Variants in AMZ1 observed in about 807,000 individuals in gnomAD.
AMZ1 encodes archaemetzincin-1.
Under a neutral mutation model 29.9 loss-of-function variants are expected in AMZ1, and 39 were observed. The ratio of observed to expected loss-of-function variants is 1.30; its 90% CI spans 1.01 to 1.70. AMZ1 has a LOEUF of 1.70. AMZ1 is among the 40% of genes most tolerant of loss of function. AMZ1 has a pLI of 0.00. For missense variants in AMZ1, 1,041 were observed against 680.6 expected (o/e 1.53, Z -5.89); for synonymous variants, 458 against 304.0 (o/e 1.51, Z -5.27).
chr7:2,762,462 C>A, upstream of AMZ1: 1 of 596,590 alleles, frequency 1.7e-6, no homozygotes, highest in Non-Finnish European at 2.8e-6. Flanking sequence ...CAAAGTCCAG[C>A]CTCTGAACCC....
At chr7:2,754,696 C>T (rs1039027074) in intron 4 of AMZ1, among the ~76,000 whole-genome samples, 1 of 152,148 alleles carries the variant, frequency 6.6e-6, no homozygotes, top group Non-Finnish European at 1.5e-5. Flanking sequence ...CTGCAGTGAG[C>T]TATGATCACA....
At chr7:2,737,426 C>T (rs1449061171) in intron 4 of AMZ1, among the ~76,000 whole-genome samples, 2 of 151,750 alleles carry the variant, frequency 1.3e-5, no homozygotes, top group Non-Finnish European at 2.9e-5. Context: ...GTAGTTGGGA[C>T]TACAGGCGTG....
intron 4 of AMZ1, among the ~76,000 whole-genome samples, chr7:2,756,335 C>G (rs1016050425): frequency 4.6e-5 from 7 of 152,190 alleles, no homozygotes; most frequent in African/African-American, 1.7e-4. Context: ...CTAATTCAAA[C>G]TGGATCACTA....
upstream of AMZ1, among the ~76,000 whole-genome samples, chr7:2,687,013 G>A (rs970697216): frequency 8.1e-5 from 12 of 147,790 alleles, no homozygotes; most frequent in Non-Finnish European, 1.5e-4. Flanking sequence ...ACGCCCAGCC[G>A]TGTTATTTCT....
chr7:2,681,770 A>AT (rs1786892031), intron 1 of AMZ1, among the ~76,000 whole-genome samples: 2 of 152,150 alleles, frequency 1.3e-5, no homozygotes, highest in African/African-American at 4.8e-5. Flanking sequence ...TACACACAGC[A>AT]TGAGAGGGTA....
chr7:2,762,879 G>A (rs893463947), upstream of AMZ1: 8 of 1,440,158 alleles, frequency 5.6e-6, no homozygotes, highest in South Asian at 1.5e-5. Flanking sequence ...AGCCCTGCTC[G>A]TGGAGCCATT....
intron 1 of AMZ1, among the ~76,000 whole-genome samples, chr7:2,690,221 G>GAGACAGAC (rs369423795): frequency 3.9e-5 from 6 of 152,004 alleles, no homozygotes; most frequent in Non-Finnish European, 8.8e-5. Flanking sequence ...GAGAGAGAGA[G>GAGACAGAC]AGACAGACAG....
intron 4 of AMZ1, among the ~76,000 whole-genome samples, chr7:2,743,703 G>A (rs902613792): frequency 1.1e-4 from 16 of 152,286 alleles, no homozygotes; most frequent in South Asian, 2.1e-4. Flanking sequence ...CGCACTGTGC[G>A]CGAGCCGAAG....
chr7:2,683,558 C>A (rs1786962364), upstream of AMZ1, among the ~76,000 whole-genome samples: 1 of 152,144 alleles, frequency 6.6e-6, no homozygotes. Context: ...CTGCCTCAGA[C>A]TCCCGAGTAG....
intron 4 of AMZ1, among the ~76,000 whole-genome samples, chr7:2,741,622 TAC>T (rs2115329310): frequency 6.6e-6 from 1 of 152,256 alleles, no homozygotes; most frequent in Admixed American, 6.5e-5. Context: ...AAAGAGCTCA[TAC>T]AGTCTTTCTC....
At chr7:2,761,253 T>TC (rs1203126086), upstream of AMZ1, among the ~76,000 whole-genome samples, 5 of 151,910 alleles carry the variant, frequency 3.3e-5, no homozygotes, top group Non-Finnish European at 7.4e-5. Flanking sequence ...GATGGCACAG[T>TC]CCCCCTCTGG....
At chr7:2,752,240 G>C (rs1283197372) in intron 4 of AMZ1, among the ~76,000 whole-genome samples, 2 of 151,954 alleles carry the variant, frequency 1.3e-5, no homozygotes, top group Admixed American at 6.6e-5. Context: ...CACATGCTCA[G>C]GGCTTAAAAA....
chr7:2,724,373 G>C (rs1228638648), downstream of AMZ1, among the ~76,000 whole-genome samples: 1 of 152,236 alleles, frequency 6.6e-6, no homozygotes, highest in African/African-American at 2.4e-5. Flanking sequence ...CGTTCATTTG[G>C]GTGAAATGCA....
At position 2,731,831 on chromosome 7, in the gene AMZ1, A is replaced by G. The variant is rs925672791; in HGVS notation, n.550+22015A>G. 2 of 747,166 alleles carry G rather than the reference A, an allele frequency of 2.7e-6. No individual in the cohort carries two copies. Among genetic ancestry groups the G allele is most frequent in the Non-Finnish European group, 4.1e-6 (2 of 491,114 alleles). 46.3% of individuals were successfully genotyped at this position (747,166 alleles called of 1,614,324 possible). On this transcript the variant is annotated intron_variant and non_coding_transcript_variant, in intron 4 of 4. Coordinates refer to the AMZ1 transcript ENST00000489665. The surrounding 1 kb of genome is among the most constrained non-coding windows in gnomAD (Gnocchi z 6.0). ...ATAGAAACAAAAAGATGGCAAAAAG[A>G]TAAGAAGGAAAGAGACTGACTTTTG...
intron 4 of AMZ1, among the ~76,000 whole-genome samples, chr7:2,735,096 A>C (rs546117277): frequency 7.3e-6 from 1 of 137,406 alleles, no homozygotes; most frequent in Admixed American, 7.6e-5. Context: ...AGCTGGGAGA[A>C]GCCGTTGGGT....
intron 4 of AMZ1, chr7:2,728,698 G>C (rs1583198351): frequency 6.6e-6 from 1 of 150,786 alleles, no homozygotes; most frequent in Non-Finnish European, 1.5e-5. Context: ...CTAAGGTTCT[G>C]GAGACAAAAC....
intron 1 of AMZ1, among the ~76,000 whole-genome samples, chr7:2,682,372 C>A (rs1435232308): frequency 6.6e-6 from 1 of 152,212 alleles, no homozygotes; most frequent in Non-Finnish European, 1.5e-5. Context: ...AGCACACAGT[C>A]CCTTGAAGAA....
chr7:2,706,837 C>T (rs928575271), intron 3 of AMZ1, among the ~76,000 whole-genome samples: 1 of 152,232 alleles, frequency 6.6e-6, no homozygotes, highest in Non-Finnish European at 1.5e-5. Context: ...CAATCATCAT[C>T]ACCTCATTAG....
At chr7:2,692,300 G>C (rs933990628) in intron 1 of AMZ1, among the ~76,000 whole-genome samples, 6 of 152,120 alleles carry the variant, frequency 3.9e-5, no homozygotes, top group African/African-American at 1.4e-4. Context: ...CAACACTCTG[G>C]GAGGCCGAGG....
Sources: allele counts gnomAD v4.1 joint callset (sites outside exome capture counted in the v4.1 genomes callset), GRCh38; gene constraint gnomAD v4.1.1; non-coding constraint Gnocchi (gnomAD v3.1); transcripts MANE v1.5; gene names NCBI Gene and HGNC (gene_info 2026-07-23, HGNC 2026-07-21).